Variants in CTNND1 observed in about 807,000 individuals in gnomAD.
CTNND1 encodes catenin delta-1.
CTNND1 carries 16 observed loss-of-function variants against 112.1 expected under a neutral mutation model. The observed-to-expected ratio is 0.14, with a 90% CI of 0.10 to 0.22. The LOEUF is 0.22. CTNND1 is among the 10% of genes least tolerant of loss of function. The pLI is 1.00. For synonymous variants in CTNND1, 420 were observed against 446.5 expected, an observed-to-expected ratio of 0.94 and a Z score of 0.75; for missense variants, 1,008 against 1,257.0, an observed-to-expected ratio of 0.80 and a Z score of 3.00.
chr11:57,772,467 G>C (rs1276188955), intron 1 of CTNND1, among the ~76,000 whole-genome samples: 2 of 152,116 alleles, frequency 1.3e-5, no homozygotes, highest in African/African-American at 4.8e-5. Context: ...TGATTGTTGA[G>C]AATTCATGGC....
At chr11:57,790,385 CTTTTTTTTT>C (rs1274143869) in intron 2 of CTNND1, among the ~76,000 whole-genome samples, 1 of 139,644 alleles carries the variant, frequency 7.2e-6, no homozygotes, top group South Asian at 2.2e-4. Flanking sequence ...TTCTTTCTTT[CTTTTTTTTT>C]TTTTTTTGAG....
Position 57,816,816 on chromosome 11 carries a change from C to G in CTNND1, c.*508C>G, listed in dbSNP as rs2064017216. The G allele has an allele frequency of 6.4e-6, 1 of 155,234 alleles. No homozygotes were observed. Among genetic ancestry groups the G allele is most frequent in the Non-Finnish European group, 1.4e-5 (1 of 69,848 alleles). 9.6% of individuals were successfully genotyped at this position (155,234 alleles called of 1,614,324 possible). A position where few individuals can be genotyped will look rare whatever the true frequency, so the allele number is the denominator to read the frequency against. ...GAAAGTGTGAGCTCTTCCCTTATTCCTAATGGCTATTTTTGAAGCAAAGAA... is the reference window on the plus strand; with the variant it reads ...GAAAGTGTGAGCTCTTCCCTTATTCGTAATGGCTATTTTTGAAGCAAAGAA... On this transcript the variant is annotated 3_prime_UTR_variant, in exon 21 of 21. Transcript: ENST00000399050.
intron 7 of CTNND1, among the ~76,000 whole-genome samples, chr11:57,802,891 T>C (rs1462028384): frequency 6.6e-6 from 1 of 152,204 alleles, no homozygotes; most frequent in Non-Finnish European, 1.5e-5. Flanking sequence ...TTTGGACATT[T>C]GCAGTGTTGG....
chr11:57,806,271 G>T (rs1486153199), intron 10 of CTNND1, among the ~76,000 whole-genome samples, 190 bp from the exon 11 acceptor site: 2 of 151,806 alleles, frequency 1.3e-5, no homozygotes, highest in African/African-American at 4.8e-5. Flanking sequence ...CAATGAGTGG[G>T]GCAGTGGAAA....
chr11:57,807,940 A>G (rs2062909184), intron 12 of CTNND1, among the ~76,000 whole-genome samples: 1 of 152,170 alleles, frequency 6.6e-6, no homozygotes, highest in Admixed American at 6.5e-5. Flanking sequence ...GGAGTTGAGT[A>G]TAATGAGTTG....
intron 3 of CTNND1, 116 bp from the exon 4 acceptor site, chr11:57,793,894 C>A: frequency 1.1e-6 from 1 of 947,912 alleles, no homozygotes; most frequent in Non-Finnish European, 1.7e-6. Context: ...ACAAGGACTC[C>A]AGGCCACACA....
rs189718729 is a variant in CTNND1 at position 57,795,712 on chromosome 11, C to T, written c.403C>T (p.Arg135Trp). Reference protein sequence around the residue: ...SVETSDDGTTRRTETTVKKVV... With the variant: ...SVETSDDGTTWRTETTVKKVV... ...GGAGACCTCAGATGATGGGACCACT[C>T]GGCGCACAGAGACCACGGTAAACTA... is the stretch of plus-strand genomic sequence containing the variant. Residue 135 changes from arginine (R) to tryptophan (W), a missense_variant, in exon 5 of 21, where the codon CGG (arginine) becomes TGG (tryptophan). By Grantham distance (101) the Arg-to-Trp change is moderately radical. Coordinates refer to ENST00000399050, the MANE Select transcript of CTNND1 (RefSeq NM_001085458.2). The T allele has an allele frequency of 5.6e-6, 9 of 1,599,448 alleles. No homozygotes were observed. In the African/African-American group the frequency reaches 6.8e-5, roughly 12 times the overall value.
chr11:57,784,005 G>T (rs1484135830), intron 1 of CTNND1, among the ~76,000 whole-genome samples: 1 of 151,806 alleles, frequency 6.6e-6, no homozygotes. Context: ...CTGTGGTCTG[G>T]ACCTCCTAGA....
chr11:57,768,297 G>T (rs942210105), intron 1 of CTNND1, among the ~76,000 whole-genome samples: 1 of 151,094 alleles, frequency 6.6e-6, no homozygotes, highest in Non-Finnish European at 1.5e-5. Flanking sequence ...TCAAAACAAC[G>T]GTAGTATGAG....
chr11:57,811,447 G>A lies in CTNND1; in HGVS notation c.2599G>A (p.Asp867Asn). ...AAGCCAGAGCAGTCATTCATATGAT[G>A]ATAGTACTCTCCCTCTCATTGACCG... is the stretch of plus-strand genomic sequence containing the variant. ...SRSQSSHSYDDSTLPLIDRNQ... is the reference protein window; with the variant it reads ...SRSQSSHSYDNSTLPLIDRNQ... The change falls in exon 17 of 21, where the codon GAT (aspartate) becomes AAT (asparagine). Residue 867 changes from aspartate (D) to asparagine (N), a missense_variant. This residue lies in a region of CTNND1 where 28 missense variants were observed against 60.6 expected (regional missense o/e 0.46). Coordinates refer to ENST00000399050, the MANE Select transcript of CTNND1 (RefSeq NM_001085458.2). 1 of 1,613,590 alleles carries A rather than the reference G, an allele frequency of 6.2e-7. No homozygotes were observed. The highest frequency in any genetic ancestry group is 8.5e-7 in the Non-Finnish European group (1 of 1,179,756).
In CTNND1 at chr11:57,761,928, C is replaced by T. The variant is rs2135772187; in HGVS notation, c.-405C>T. On this transcript the variant is annotated 5_prime_UTR_variant, in exon 1 of 21. Transcript: ENST00000399050. The stretch of plus-strand genomic sequence containing the variant: ...AGAGAAAGAAGAGCAGGAAAGATCC[C>T]GAAAGGAGGAAGAGGTGGCGAAAAA... The T allele has an allele frequency of 1.0e-6, 1 of 985,296 alleles. No homozygotes were observed. Among genetic ancestry groups the T allele is most frequent in the East Asian group, 1.1e-4 (1 of 8,798 alleles). The allele number at this position is 985,296 out of a possible 1,614,324, so 61.0% of individuals were successfully genotyped here.
chr11:57,794,568 C>G (rs778360992), intron 4 of CTNND1, among the ~76,000 whole-genome samples: 3 of 150,260 alleles, frequency 2.0e-5, no homozygotes, highest in African/African-American at 4.9e-5. Flanking sequence ...GGCAGATCAC[C>G]TCAGGTCGGG....
At chr11:57,815,037 C>T (rs149370785) in intron 18 of CTNND1, among the ~76,000 whole-genome samples, 364 of 152,196 alleles carry the variant, frequency 2.4e-3, no homozygotes, top group Admixed American at 4.8e-3. Context: ...GCGTGATTCT[C>T]ATACCTCAGC....
At chr11:57,799,513 A>G (rs1307037813) in intron 6 of CTNND1, among the ~76,000 whole-genome samples, 1 of 152,230 alleles carries the variant, frequency 6.6e-6, no homozygotes, top group Non-Finnish European at 1.5e-5. Context: ...ATACAAGGTC[A>G]AACTTAAACA....
chr11:57,815,624 GA>G (rs1565387153), intron 19 of CTNND1, 124 bp downstream of exon 19: 1 of 909,818 alleles, frequency 1.1e-6, no homozygotes. Context: ...GGGTTTTCAG[GA>G]AAAAGTAAGA....
At chr11:57,815,872 G>T (rs1182874761) in intron 19 of CTNND1, 43 bp from the exon 20 acceptor site, 2 of 1,529,570 alleles carry the variant, frequency 1.3e-6, no homozygotes, top group Non-Finnish European at 1.8e-6. Flanking sequence ...CACTCATGAG[G>T]TTCCTGTCTC....
chr11:57,815,906 T>G lies in CTNND1; in HGVS notation c.2809-9T>G. 6.2e-7 allele frequency: 1 copy of G among 1,604,754 alleles called. No homozygotes were observed. The highest frequency in any genetic ancestry group is 8.5e-7 in the Non-Finnish European group (1 of 1,176,984). On this transcript the variant is annotated splice_polypyrimidine_tract_variant and intron_variant, in intron 19 of 20. Transcript: ENST00000399050. ...TCTACTCATACTAACAAATTGCATGTGTTCACAGCAGGACGAGGGGCAGGA... is the reference window on the plus strand; with the variant it reads ...TCTACTCATACTAACAAATTGCATGGGTTCACAGCAGGACGAGGGGCAGGA...
At chr11:57,805,673 G>A (rs2062583200) in intron 9 of CTNND1, among the ~76,000 whole-genome samples, 3 of 152,244 alleles carry the variant, frequency 2.0e-5, no homozygotes, top group Middle Eastern at 3.4e-3. Flanking sequence ...AGTGGCAGAA[G>A]CCAATAAGTC....
At chr11:57,785,548 T>G (rs529337081) in intron 1 of CTNND1, among the ~76,000 whole-genome samples, 41 of 151,574 alleles carry the variant, frequency 2.7e-4, no homozygotes, top group South Asian at 8.4e-4. Context: ...GGTGATTTTT[T>G]TGTGTGTGTG....
Sources: allele counts gnomAD v4.1 joint callset (sites outside exome capture counted in the v4.1 genomes callset), GRCh38; gene constraint gnomAD v4.1.1; regional missense constraint gnomAD v4.1.1; transcripts MANE v1.5; gene names NCBI Gene and HGNC (gene_info 2026-07-23, HGNC 2026-07-21).